The following PNLIPRP1 variants were observed in gnomAD, a reference collection of about 807,000 sequenced individuals.
PNLIPRP1 encodes the protein pancreatic lipase related protein 1.
A neutral mutation model predicts 54.6 loss-of-function variants in PNLIPRP1; 57 were observed. The ratio of observed to expected loss-of-function variants is 1.04; its 90% CI spans 0.84 to 1.30. PNLIPRP1 has a LOEUF of 1.30. Among genes scored for constraint, PNLIPRP1 ranks in the 50% most tolerant of loss-of-function variants. The pLI is 0.00. For missense variants in PNLIPRP1, 567 were observed against 568.5 expected (o/e 1.00, Z 0.03); for synonymous variants, 232 against 208.8 (o/e 1.11, Z -0.96).
At chr10:116,591,281 G>C (rs1847631315) in intron 2 of PNLIPRP1, 103 bp downstream of exon 2, 1 of 840,180 alleles carries the variant, frequency 1.2e-6, no homozygotes, top group Non-Finnish European at 1.9e-6. Context: ...CAGCTCCAGG[G>C]TACCAGAGAG....
chr10:116,597,747 A>C, intron 6 of PNLIPRP1, 81 bp from the exon 7 acceptor site: 5 of 1,535,892 alleles, frequency 3.3e-6, no homozygotes, highest in Non-Finnish European at 4.5e-6. Context: ...GGCAGTGCAT[A>C]GCCCGGGCAG....
chr10:116,605,448 C>T lies in PNLIPRP1; in HGVS notation c.1235C>T (p.Thr412Ile). 6.2e-7 allele frequency: 1 copy of T among 1,611,344 alleles called. No individual in the cohort carries two copies. Among genetic ancestry groups the T allele is most frequent in the Non-Finnish European group, 8.5e-7 (1 of 1,177,826 alleles). ...YEFDAKLDVGTIEKVKFLWNN... is the reference protein window; with the variant it reads ...YEFDAKLDVGIIEKVKFLWNN... ...TTTGATGCAAAGCTGGATGTTGGAACAATTGAGAAAGTCAAGTTTCTTTGG... is the reference window on the plus strand; with the variant it reads ...TTTGATGCAAAGCTGGATGTTGGAATAATTGAGAAAGTCAAGTTTCTTTGG... Residue 412 changes from threonine (T) to isoleucine (I), a missense_variant, in exon 12 of 13, where the codon ACA becomes ATA. Transcript: ENST00000358834.
intron 8 of PNLIPRP1, among the ~76,000 whole-genome samples, chr10:116,599,291 T>TAAAATAAAATAAAAC (rs1554864438): frequency 1.7e-5 from 2 of 116,400 alleles, no homozygotes; most frequent in African/African-American, 5.3e-5. Flanking sequence ...TAAAATAAAA[T>TAAAATAAAATAAAAC]AAAATAAAAA....
At chr10:116,592,623 A>C (rs539169998) in intron 4 of PNLIPRP1, 82 bp downstream of exon 4, 2 of 1,503,308 alleles carry the variant, frequency 1.3e-6, no homozygotes, top group East Asian at 2.3e-5. Context: ...GCACTCAAGA[A>C]ATCTTTACAT....
At chr10:116,593,726 G>C (rs1420785754) in intron 4 of PNLIPRP1, 1 of 152,310 alleles carries the variant, frequency 6.6e-6, no homozygotes, top group East Asian at 1.9e-4. Flanking sequence ...GAGAGGCCGA[G>C]GCGGGTGGAT....
chr10:116,609,081 C>A lies in PNLIPRP1; in HGVS notation c.1369C>A (p.Arg457=), dbSNP rs1554865960. The A allele has an allele frequency of 6.2e-7, 1 of 1,613,250 alleles. No individual in the cohort carries two copies. The highest frequency in any genetic ancestry group is 1.1e-5 in the South Asian group (1 of 91,020). ...VYNFCSEDTV[R]EDTLLTLTPC The stretch of plus-strand genomic sequence containing the variant: ...CAACTTCTGTAGCGAAGACACAGTG[C>A]GGGAAGACACGCTGCTCACCCTCAC... Residue 457 remains arginine, a synonymous_variant, in exon 13 of 13, where the codon CGG becomes AGG. Transcript: ENST00000358834.
At position 116,598,154 on chromosome 10, in the gene PNLIPRP1, G is replaced by A; in HGVS notation, c.802G>A (p.Gly268Ser). 1 of 1,613,656 alleles carries A rather than the reference G, an allele frequency of 6.2e-7. No individual in the cohort carries two copies. Among genetic ancestry groups the A allele is most frequent in the Non-Finnish European group, 8.5e-7 (1 of 1,179,842 alleles). ...NALSQIVDLD[G>S]IWAGTRDFVA... ...CCTGTCTCAGATCGTGGATCTAGATGGCATCTGGGCGGGTAAAGTCATGGT... is the reference window on the plus strand; with the variant it reads ...CCTGTCTCAGATCGTGGATCTAGATAGCATCTGGGCGGGTAAAGTCATGGT... Residue 268 changes from glycine (G) to serine (S), a missense_variant, in exon 8 of 13, where the codon GGC (glycine) becomes AGC (serine). Coordinates refer to ENST00000358834, the MANE Select transcript of PNLIPRP1 (RefSeq NM_006229.4).
intron 2 of PNLIPRP1, 58 bp from the exon 3 acceptor site, chr10:116,591,713 A>G (rs781800335): frequency 5.7e-6 from 9 of 1,571,976 alleles, no homozygotes; most frequent in Admixed American, 5.2e-5. Context: ...AACAGCAGTG[A>G]CACCCCAGAG....
At position 116,601,130 on chromosome 10, in the gene PNLIPRP1, A is replaced by C. The variant is rs1174189207; in HGVS notation, c.992A>C (p.Lys331Thr). ...CCACAGATGGGTCACTATGCTGATAAATTTGCTGGCAGGACAAGTGAAGAG... is the reference window on the plus strand; with the variant it reads ...CCACAGATGGGTCACTATGCTGATACATTTGCTGGCAGGACAAGTGAAGAG... ...GCPQMGHYADKFAGRTSEEQQ... is the reference protein window; with the variant it reads ...GCPQMGHYADTFAGRTSEEQQ... The change falls in exon 10 of 13, where the codon AAA (lysine) becomes ACA (threonine). Residue 331 changes from lysine to threonine, a missense_variant. By Grantham distance (78) the Lys-to-Thr change is moderately conservative (BLOSUM62 -1). Coordinates refer to ENST00000358834, the MANE Select transcript of PNLIPRP1 (RefSeq NM_006229.4). The C allele has an allele frequency of 6.2e-6, 10 of 1,613,936 alleles. No homozygotes were observed. The highest frequency in any genetic ancestry group is 7.6e-6 in the Non-Finnish European group (9 of 1,179,982).
chr10:116,608,273 T>C (rs1388329017), intron 12 of PNLIPRP1, among the ~76,000 whole-genome samples: 5 of 152,198 alleles, frequency 3.3e-5, no homozygotes, highest in Non-Finnish European at 7.3e-5. Context: ...TGAGAAAAGC[T>C]TGGACCAAAA....
At chr10:116,605,833 T>G (rs1288250096) in intron 12 of PNLIPRP1, among the ~76,000 whole-genome samples, 7 of 152,196 alleles carry the variant, frequency 4.6e-5, no homozygotes, top group African/African-American at 1.4e-4. Flanking sequence ...CAAGAAATCC[T>G]TTCTGAAGGG....
chr10:116,607,415 C>T (rs1489757501), intron 12 of PNLIPRP1, among the ~76,000 whole-genome samples: 1 of 151,996 alleles, frequency 6.6e-6, no homozygotes, highest in Non-Finnish European at 1.5e-5. Flanking sequence ...TAAAGAACTC[C>T]CAGGAGAGGC....
At chr10:116,606,963 C>T (rs1481475891) in intron 12 of PNLIPRP1, among the ~76,000 whole-genome samples, 1 of 151,942 alleles carries the variant, frequency 6.6e-6, no homozygotes. Context: ...GAAGTAAAAA[C>T]ACTGAATTAG....
Position 116,602,763 on chromosome 10 carries a change from G to A in PNLIPRP1, c.1064-1267G>A, listed in dbSNP as rs151222563. Among the ~76,000 whole-genome samples, 1,340 of 152,328 alleles carry A rather than the reference G, an allele frequency of 8.8e-3. 15 individuals are homozygous for A. Among genetic ancestry groups the A allele is most frequent in the Non-Finnish European group, 0.011 (725 of 68,024 alleles). On this transcript the variant is annotated intron_variant, in intron 10 of 12. Transcript: ENST00000358834. ...TGAATGCATGTGTGAGTGTGTTTGT[G>A]TATGTACCTTTGTGTGTATGCATGT...
At chr10:116,600,206 C>A in intron 9 of PNLIPRP1, 41 bp downstream of exon 9, 1 of 1,257,926 alleles carries the variant, frequency 7.9e-7, no homozygotes, top group Non-Finnish European at 1.2e-6. Context: ...CATCACCCCT[C>A]TGAGGGACTG....
At chr10:116,597,780 C>T (rs1352038061) in intron 6 of PNLIPRP1, 48 bp from the exon 7 acceptor site, 10 of 1,611,928 alleles carry the variant, frequency 6.2e-6, no homozygotes, top group Non-Finnish European at 7.6e-6. Context: ...GTGCTGCTGA[C>T]ATCTACAGTC....
chr10:116,594,671 T>C, intron 4 of PNLIPRP1, 59 bp from the exon 5 acceptor site: 1 of 1,599,226 alleles, frequency 6.3e-7, no homozygotes, highest in East Asian at 2.2e-5. Flanking sequence ...GAGCCCTGGC[T>C]GGATAAGGTT....
chr10:116,595,663 A>G (rs1847721596), intron 5 of PNLIPRP1: 1 of 153,014 alleles, frequency 6.5e-6, no homozygotes, highest in Non-Finnish European at 1.5e-5. Flanking sequence ...GTACTTTTGG[A>G]GCAGAATGTC....
Position 116,594,734 on chromosome 10 carries a change from T to C in PNLIPRP1, c.335T>C (p.Leu112Pro), listed in dbSNP as rs147011860. Residue 112 changes from leucine (L) to proline (P), a missense_variant, in exon 5 of 13, where the codon CTG becomes CCG. By Grantham distance (98) the Leu-to-Pro change is moderately conservative. Coordinates refer to ENST00000358834, the MANE Select transcript of PNLIPRP1 (RefSeq NM_006229.4). ...CCACTATCTCCCCAACACCAGAAACTGTTCGAGGTGGAGGAGGTGAACTGC... is the reference window on the plus strand; with the variant it reads ...CCACTATCTCCCCAACACCAGAAACCGTTCGAGGTGGAGGAGGTGAACTGC... ...ESWVTDMCKKLFEVEEVNCIC... is the reference protein window; with the variant it reads ...ESWVTDMCKKPFEVEEVNCIC... 3 of 1,613,956 alleles carry C rather than the reference T, an allele frequency of 1.9e-6. No homozygotes were observed. In the African/African-American group the frequency reaches 4.0e-5, roughly 22 times the overall value.
Sources: allele counts gnomAD v4.1 joint callset (sites outside exome capture counted in the v4.1 genomes callset), GRCh38; gene constraint gnomAD v4.1.1; transcripts MANE v1.5; gene names NCBI Gene and HGNC (gene_info 2026-07-23, HGNC 2026-07-21).